WWC1: variants seen among roughly 807,000 people sequenced by gnomAD.
WWC1 encodes protein KIBRA.
In WWC1, 55 loss-of-function variants were observed where a neutral mutation model predicts 138.4. The ratio of observed to expected loss-of-function variants is 0.40; its 90% confidence interval spans 0.32 to 0.50. The LOEUF is 0.50. Ranked by LOEUF, WWC1 falls within the 20% of genes least tolerant of loss-of-function variation. The pLI is 0.72. For synonymous variants in WWC1, 524 were observed against 564.9 expected (o/e 0.93, Z 1.03); for missense variants, 1,226 against 1,420.4 (o/e 0.86, Z 2.20).
chr5:168,424,101 A>G, intron 11 of WWC1, 33 bp downstream of exon 11: 3 of 1,547,592 alleles, frequency 1.9e-6, no homozygotes, highest in East Asian at 2.2e-5. Context: ...GGTGGGAACC[A>G]GGAGGAGGGA....
At position 168,464,915 on chromosome 5, in the gene WWC1, C is replaced by T; in HGVS notation, c.3103C>T (p.Arg1035Cys). 8.1e-6 allele frequency: 13 copies of T among 1,614,174 alleles called. No individual in the cohort carries two copies. The highest frequency in any genetic ancestry group is 4.4e-5 in the South Asian group (4 of 91,080). Residue 1035 changes from arginine to cysteine, a missense_variant, in exon 21 of 23, where the codon CGT (arginine) becomes TGT (cysteine). Around this residue, in one of 3 missense-constraint regions of WWC1, gnomAD observed 206 missense variants for 247.4 expected, o/e 0.83. Transcript: ENST00000265293. Reference sequence around the variant, plus strand: ...GGAGAAGGAGCTGCCACAGTGGTTGCGTGAGGACGAGCGTTTCCGCCTGCT... The same window carrying T: ...GGAGAAGGAGCTGCCACAGTGGTTGTGTGAGGACGAGCGTTTCCGCCTGCT... ...HGEKELPQWL[R>C]EDERFRLLLR...
intron 15 of WWC1, 65 bp downstream of exon 15, chr5:168,431,509 GCCTT>G: frequency 6.6e-7 from 1 of 1,522,090 alleles, no homozygotes; most frequent in Non-Finnish European, 8.8e-7. Context: ...TGGCTGACCG[GCCTT>G]CTGTGTTTAT....
Position 168,292,725 on chromosome 5 carries a change from A to C in WWC1, c.119+454A>C, listed in dbSNP as rs992878101. Among the ~76,000 whole-genome samples the C allele has an allele frequency of 2.0e-5, 3 of 151,840 alleles. No homozygotes were observed. The highest frequency in any genetic ancestry group is 7.3e-5 in the African/African-American group (3 of 41,330). Reference sequence around the variant, plus strand: ...TGTCCGGTTAGAGGGGGTGGTCAAGACCCCAGGATTCCGTGGGAGACCACT... The same window carrying C: ...TGTCCGGTTAGAGGGGGTGGTCAAGCCCCCAGGATTCCGTGGGAGACCACT... On this transcript the variant is annotated intron_variant, in intron 1 of 22. Transcript: ENST00000265293. The surrounding 1 kb of genome is among the most constrained non-coding windows in gnomAD (Gnocchi z 4.4).
At chr5:168,459,604 T>G (rs780450248) in intron 19 of WWC1, among the ~76,000 whole-genome samples, 1 of 152,122 alleles carries the variant, frequency 6.6e-6, no homozygotes, top group Non-Finnish European at 1.5e-5. Context: ...CATGTGGCAG[T>G]CATTATTTTT....
intron 1 of WWC1, among the ~76,000 whole-genome samples, chr5:168,306,930 G>C (rs1464643663): frequency 6.6e-6 from 1 of 152,216 alleles, no homozygotes; most frequent in African/African-American, 2.4e-5. Context: ...AAGCCTGGGG[G>C]CTAGGCCTTC....
intron 1 of WWC1, among the ~76,000 whole-genome samples, chr5:168,309,692 C>T (rs1298297209): frequency 1.6e-4 from 24 of 152,122 alleles, no homozygotes; most frequent in Non-Finnish European, 1.5e-5. Flanking sequence ...ACCTCTCCCT[C>T]TGTCTTAGTA....
chr5:168,419,861 A>G (rs1023859247), intron 9 of WWC1, among the ~76,000 whole-genome samples: 1 of 152,160 alleles, frequency 6.6e-6, no homozygotes, highest in Admixed American at 6.5e-5. Flanking sequence ...GTCAGGGCTG[A>G]GATATGGTCC....
intron 13 of WWC1, among the ~76,000 whole-genome samples, chr5:168,429,270 T>TTTC (rs1781752844): frequency 6.7e-6 from 1 of 149,962 alleles, no homozygotes; most frequent in African/African-American, 2.5e-5. Context: ...TTTTTTTTTT[T>TTTC]TTTTTTTGAG....
intron 5 of WWC1, among the ~76,000 whole-genome samples, chr5:168,400,328 C>G (rs755904793): frequency 1.2e-4 from 19 of 152,128 alleles, no homozygotes; most frequent in Non-Finnish European, 2.6e-4. Context: ...CCTCTCCCTC[C>G]TCTCACCCTC....
chr5:168,432,585 T>C (rs1200777673), intron 15 of WWC1, among the ~76,000 whole-genome samples: 2 of 152,232 alleles, frequency 1.3e-5, no homozygotes, highest in Non-Finnish European at 2.9e-5. Flanking sequence ...AACTCAACTG[T>C]GGGCACAAAG....
rs183433723 is a variant in WWC1 at position 168,401,238 on chromosome 5, A to G, written c.590+1671A>G. 7.2e-3 allele frequency among the ~76,000 whole-genome samples: 1,098 copies of G among 152,338 alleles called. 14 individuals carry two copies. Among genetic ancestry groups the G allele is most frequent in the Non-Finnish European group, 8.6e-3 (584 of 68,020 alleles). ...CATTGAATTGTGTTCAGTGTATCCA[A>G]TGGGCTCACTGGACAATCATTATGA... On this transcript the variant is annotated intron_variant, in intron 5 of 22. Coordinates refer to ENST00000265293, the MANE Select transcript of WWC1 (RefSeq NM_015238.3).
chr5:168,297,381 C>G (rs1259507699), intron 1 of WWC1, among the ~76,000 whole-genome samples: 1 of 152,178 alleles, frequency 6.6e-6, no homozygotes, highest in African/African-American at 2.4e-5. Context: ...AATCCCAGCA[C>G]TTTGGGAGGC....
At chr5:168,461,797 C>T (rs1307129218) in intron 20 of WWC1, among the ~76,000 whole-genome samples, 10 of 152,120 alleles carry the variant, frequency 6.6e-5, no homozygotes, top group African/African-American at 2.2e-4. Flanking sequence ...TGGTGGCTCA[C>T]GCCTGTAATC....
intron 17 of WWC1, among the ~76,000 whole-genome samples, chr5:168,446,372 T>G (rs1283538974): frequency 6.6e-6 from 1 of 152,182 alleles, no homozygotes; most frequent in South Asian, 2.1e-4. Flanking sequence ...TTTCTCACTT[T>G]GTGATTCAGT....
At chr5:168,463,315 C>T (rs1756980371) in intron 20 of WWC1, among the ~76,000 whole-genome samples, 1 of 152,168 alleles carries the variant, frequency 6.6e-6, no homozygotes, top group Non-Finnish European at 1.5e-5. Context: ...GGCACTGCCT[C>T]CAGATGTTGG....
At chr5:168,380,363 T>C (rs1777526890) in intron 2 of WWC1, among the ~76,000 whole-genome samples, 1 of 152,094 alleles carries the variant, frequency 6.6e-6, no homozygotes, top group Non-Finnish European at 1.5e-5. Flanking sequence ...TCCCAGCTAC[T>C]TGGGAGCCTG....
chr5:168,427,548 ATTTT>A lies in WWC1; in HGVS notation c.1811-464_1811-461del, dbSNP rs34177139. Among the ~76,000 whole-genome samples the A allele has an allele frequency of 9.7e-3, 981 of 101,134 alleles. 3 individuals are homozygous for A. Among genetic ancestry groups the A allele is most frequent in the African/African-American group, 0.015 (378 of 24,720 alleles). The allele number at this position is 101,134 out of a possible 152,430, so 66.3% of individuals were successfully genotyped here. A position where few individuals can be genotyped will look rare whatever the true frequency, so the allele number is the denominator to read the frequency against. On this transcript the variant is annotated intron_variant, in intron 11 of 22. Coordinates refer to ENST00000265293, the MANE Select transcript of WWC1 (RefSeq NM_015238.3). ...TCACCCTAAAGCAAACTTTTTTTTA[ATTTT>A]TTTTTTTTTTTTTTTTTTTTGCTTT... is the stretch of plus-strand genomic sequence containing the variant.
chr5:168,451,061 G>T (rs1308107936), intron 17 of WWC1, among the ~76,000 whole-genome samples: 1 of 151,502 alleles, frequency 6.6e-6, no homozygotes, highest in Admixed American at 6.6e-5. Flanking sequence ...TGTTGCCCAG[G>T]CTGCGATCTC....
At chr5:168,422,543 GGAGGAGGCTTACCGT>G (rs976873877) in intron 10 of WWC1, among the ~76,000 whole-genome samples, 4 of 152,120 alleles carry the variant, frequency 2.6e-5, no homozygotes, top group African/African-American at 9.7e-5. Context: ...CTTGAGCCCG[GGAGGAGGCTTACCGT>G]GAGCCGAGAT....
Sources: allele counts gnomAD v4.1 joint callset (sites outside exome capture counted in the v4.1 genomes callset), GRCh38; gene constraint gnomAD v4.1.1; regional missense constraint gnomAD v4.1.1; non-coding constraint Gnocchi (gnomAD v3.1); transcripts MANE v1.5; gene names NCBI Gene and HGNC (gene_info 2026-07-23, HGNC 2026-07-21).